The following KCNMB2 variants were observed in gnomAD, a reference collection of about 807,000 sequenced individuals.
The protein encoded by KCNMB2 is calcium-activated potassium channel subunit beta-2.
KCNMB2 carries 9 observed loss-of-function variants against 24.5 expected under a neutral mutation model. That is an observed-to-expected ratio of 0.37 (90% CI 0.22 to 0.64). KCNMB2 has a LOEUF of 0.64. KCNMB2 is among the 30% of genes least tolerant of loss of function. KCNMB2 has a pLI of 0.63. For synonymous variants in KCNMB2, 109 were observed against 104.4 expected, an observed-to-expected ratio of 1.04 and a Z score of -0.27; for missense variants, 226 against 284.3, an observed-to-expected ratio of 0.79 and a Z score of 1.47.
At chr3:178,803,023 C>A (rs1158592328) in intron 1 of KCNMB2, among the ~76,000 whole-genome samples, 4 of 152,132 alleles carry the variant, frequency 2.6e-5, no homozygotes, top group African/African-American at 7.2e-5. Flanking sequence ...GTGCCACTAA[C>A]CAATTATTAT....
At chr3:178,813,019 A>G (rs561628927) in intron 2 of KCNMB2, among the ~76,000 whole-genome samples, 1 of 152,334 alleles carries the variant, frequency 6.6e-6, no homozygotes, top group African/African-American at 2.4e-5. Context: ...AGGGATTTTT[A>G]TTAGAATTTT....
chr3:178,766,786 T>C (rs973274211), intron 1 of KCNMB2, among the ~76,000 whole-genome samples: 10 of 152,230 alleles, frequency 6.6e-5, no homozygotes, highest in African/African-American at 1.9e-4. Flanking sequence ...AAGAGTATCA[T>C]GATGTTGATA....
At chr3:178,741,147 C>T (rs532372100) in intron 1 of KCNMB2, among the ~76,000 whole-genome samples, 13 of 152,144 alleles carry the variant, frequency 8.5e-5, no homozygotes, top group Non-Finnish European at 1.6e-4. Flanking sequence ...GCATCTGTCA[C>T]GTAAACAGAG....
chr3:178,758,213 G>A (rs372640316), intron 1 of KCNMB2, among the ~76,000 whole-genome samples: 1,413 of 5,508 alleles, frequency 0.26, 266 homozygotes, highest in African/African-American at 0.65. Flanking sequence ...TATATCCAAG[G>A]GGATATATAT....
chr3:178,776,282 T>C (rs1025238677), intron 1 of KCNMB2, among the ~76,000 whole-genome samples: 2 of 152,086 alleles, frequency 1.3e-5, no homozygotes, highest in African/African-American at 4.8e-5. Flanking sequence ...CATTTTTAAT[T>C]CCTCCCTCCA....
chr3:178,815,739 G>T (rs1450792073), intron 2 of KCNMB2, among the ~76,000 whole-genome samples: 1 of 151,858 alleles, frequency 6.6e-6, no homozygotes, highest in East Asian at 1.9e-4. Context: ...TATCATGAAT[G>T]AATGTTAAAT....
chr3:178,683,237 C>T lies in KCNMB2; in HGVS notation c.-67-124106C>T, dbSNP rs111957058. On this transcript the variant is annotated intron_variant, in intron 1 of 4. Transcript: ENST00000452583. ...AATGCAGAAACAGAAAACCAAATAC[C>T]GCATGTTCTCAGTTGTAAGTGGAAA... 2.1e-3 allele frequency among the ~76,000 whole-genome samples: 317 copies of T among 151,930 alleles called. 1 individual carries two copies. The highest frequency in any genetic ancestry group is 6.0e-3 in the African/African-American group (249 of 41,422).
At chr3:178,663,969 A>G (rs1167433112) in intron 1 of KCNMB2, among the ~76,000 whole-genome samples, 1 of 152,154 alleles carries the variant, frequency 6.6e-6, no homozygotes, top group Non-Finnish European at 1.5e-5. Flanking sequence ...ACAAGACCTC[A>G]CAAAAGAAGA....
intron 1 of KCNMB2, among the ~76,000 whole-genome samples, chr3:178,785,482 C>A (rs1459357643): frequency 6.6e-6 from 1 of 151,536 alleles, no homozygotes. Flanking sequence ...TATAACATGA[C>A]AAATAATATT....
At chr3:178,761,427 T>C (rs1317670562) in intron 1 of KCNMB2, among the ~76,000 whole-genome samples, 2 of 152,230 alleles carry the variant, frequency 1.3e-5, no homozygotes, top group Non-Finnish European at 2.9e-5. Flanking sequence ...TTAACAGATA[T>C]TATTTATCTG....
intron 1 of KCNMB2, among the ~76,000 whole-genome samples, chr3:178,652,862 C>T (rs1020894184): frequency 2.0e-5 from 3 of 151,952 alleles, no homozygotes; most frequent in African/African-American, 4.8e-5. Context: ...GAGGTTTCAC[C>T]ATGTTGGTCA....
chr3:178,541,776 C>A (rs1440612694), intron 1 of KCNMB2, among the ~76,000 whole-genome samples: 1 of 152,130 alleles, frequency 6.6e-6, no homozygotes, highest in African/African-American at 2.4e-5. Context: ...TTCTAAATTT[C>A]TTTTCAAAGA....
intron 1 of KCNMB2, among the ~76,000 whole-genome samples, chr3:178,600,645 C>A (rs1159684637): frequency 6.6e-6 from 1 of 152,068 alleles, no homozygotes; most frequent in Non-Finnish European, 1.5e-5. Flanking sequence ...AGGATGGGGA[C>A]TTCAGGACAG....
intron 1 of KCNMB2, chr3:178,558,965 G>T (rs762207667): frequency 6.6e-6 from 1 of 152,274 alleles, no homozygotes; most frequent in African/African-American, 2.4e-5. Flanking sequence ...AGTGGTGTGA[G>T]AGGGCAGCAC....
At chr3:178,651,033 C>T (rs911681549) in intron 1 of KCNMB2, among the ~76,000 whole-genome samples, 2 of 152,134 alleles carry the variant, frequency 1.3e-5, no homozygotes, top group African/African-American at 4.8e-5. Context: ...CACTCCTATT[C>T]AACATAGTAT....
At chr3:178,561,700 C>T (rs1716322034) in intron 1 of KCNMB2, among the ~76,000 whole-genome samples, 1 of 152,200 alleles carries the variant, frequency 6.6e-6, no homozygotes, top group South Asian at 2.1e-4. Flanking sequence ...TCAAAACATA[C>T]TTTATGCCAA....
At chr3:178,756,538 A>G (rs2108394895) in intron 1 of KCNMB2, among the ~76,000 whole-genome samples, 1 of 152,274 alleles carries the variant, frequency 6.6e-6, no homozygotes, top group East Asian at 1.9e-4. Context: ...ACACTAGTCA[A>G]GAAGAGTTTA....
At chr3:178,635,854 A>G (rs776528343) in intron 1 of KCNMB2, among the ~76,000 whole-genome samples, 1 of 152,252 alleles carries the variant, frequency 6.6e-6, no homozygotes, top group Non-Finnish European at 1.5e-5. Flanking sequence ...TACAAATTCA[A>G]TACTTCAGTT....
chr3:178,602,696 A>T (rs1458247965), intron 1 of KCNMB2, among the ~76,000 whole-genome samples: 1 of 152,104 alleles, frequency 6.6e-6, no homozygotes, highest in African/African-American at 2.4e-5. Flanking sequence ...AGGCAGGGTG[A>T]GTAAAGGACT....
Sources: gnomAD v4.1 joint callset for allele counts (sites outside exome capture counted in the v4.1 genomes callset) on GRCh38, gnomAD v4.1.1 for gene constraint, MANE v1.5 for transcripts, NCBI Gene and HGNC (gene_info 2026-07-23, HGNC 2026-07-21) for gene names.